Variants in MBD5 observed in about 807,000 individuals in gnomAD.
MBD5 encodes methyl-CpG-binding domain protein 5.
In MBD5, 13 loss-of-function variants were observed where a neutral mutation model predicts 117.3. That is an observed-to-expected ratio of 0.11 (90% CI 0.07 to 0.18). The LOEUF is 0.18. MBD5 is among the 10% of genes least tolerant of loss of function. MBD5 has a pLI of 1.00. For synonymous variants in MBD5, 727 were observed against 766.4 expected (o/e 0.95, Z 0.85); for missense variants, 1,879 against 2,093.8 (o/e 0.90, Z 2.00).
At chr2:148,104,955 G>A (rs1051627609) in intron 1 of MBD5, among the ~76,000 whole-genome samples, 1 of 151,900 alleles carries the variant, frequency 6.6e-6, no homozygotes, top group African/African-American at 2.4e-5. Context: ...AATTATAGAG[G>A]TTAAATAACA....
intron 2 of MBD5, among the ~76,000 whole-genome samples, chr2:148,188,163 T>G (rs1698715436): frequency 6.6e-6 from 1 of 152,186 alleles, no homozygotes; most frequent in Non-Finnish European, 1.5e-5. Flanking sequence ...TCTCAATCTG[T>G]TTAACACAAG....
rs759890387 is a variant in MBD5, at chr2:148,490,477, G to A, written c.4845G>A (p.Thr1615=). The A allele has an allele frequency of 3.1e-6, 5 of 1,614,172 alleles. No homozygotes were observed. Among genetic ancestry groups the A allele is most frequent in the South Asian group, 1.1e-5 (1 of 91,072 alleles). The part of the protein sequence containing the change: ...SNELIHYRPR[T]FNVGDLVWGQ... The stretch of plus-strand genomic sequence containing the variant: ...AATTGATACATTATAGACCAAGGAC[G>A]TTCAATGTTGGCGACTTGGTCTGGG... The change falls in exon 11 of 14, where the codon ACG becomes ACA. Residue 1615 remains threonine (T), a synonymous_variant. Coordinates refer to ENST00000642680, the MANE Select transcript of MBD5 (RefSeq NM_001378120.1).
chr2:148,483,035 G>A, intron 8 of MBD5, 75 bp from the exon 9 acceptor site: 1 of 1,492,666 alleles, frequency 6.7e-7, no homozygotes, highest in Non-Finnish European at 9.1e-7. Flanking sequence ...TTATGTTAAT[G>A]CATTTTTATG....
intron 3 of MBD5, among the ~76,000 whole-genome samples, chr2:148,241,552 A>C (rs1227572733): frequency 6.6e-6 from 1 of 152,112 alleles, no homozygotes; most frequent in East Asian, 1.9e-4. Flanking sequence ...GGTCGGAATC[A>C]ATATACAAAT....
At chr2:148,476,630 TG>T (rs1279526730) in intron 8 of MBD5, among the ~76,000 whole-genome samples, 1 of 152,174 alleles carries the variant, frequency 6.6e-6, no homozygotes, top group East Asian at 1.9e-4. Context: ...ATATACTAGT[TG>T]GGGCATACTA....
At chr2:148,494,894 T>C (rs997773582) in intron 11 of MBD5, among the ~76,000 whole-genome samples, 7 of 151,344 alleles carry the variant, frequency 4.6e-5, no homozygotes, top group South Asian at 2.1e-4. Flanking sequence ...ACCCGGGAGG[T>C]GGAGCTCGCA....
chr2:148,464,580 A>G (rs752589654), intron 7 of MBD5, among the ~76,000 whole-genome samples: 1 of 152,004 alleles, frequency 6.6e-6, no homozygotes, highest in Non-Finnish European at 1.5e-5. Flanking sequence ...AGGAAATTTA[A>G]CACTGACATA....
At chr2:148,374,240 T>TACACAC (rs57110874) in intron 4 of MBD5, among the ~76,000 whole-genome samples, 11,128 of 141,910 alleles carry the variant, frequency 0.078, 544 homozygotes, top group African/African-American at 0.14. Flanking sequence ...TGTTTATGCA[T>TACACAC]ACACACACAC....
chr2:148,383,402 C>A (rs1349205023), intron 4 of MBD5, among the ~76,000 whole-genome samples: 2 of 152,084 alleles, frequency 1.3e-5, no homozygotes, highest in Non-Finnish European at 2.9e-5. Context: ...CAAGACTAAA[C>A]CAGGAAGAAG....
chr2:148,194,589 A>T (rs1312285550), intron 2 of MBD5, among the ~76,000 whole-genome samples: 1 of 102,870 alleles, frequency 9.7e-6, no homozygotes, highest in African/African-American at 3.1e-5. Context: ...GAAGCGGAAT[A>T]TCACACTCTG....
intron 1 of MBD5, among the ~76,000 whole-genome samples, chr2:148,098,819 G>T (rs1360773432): frequency 6.6e-6 from 1 of 152,092 alleles, no homozygotes; most frequent in East Asian, 1.9e-4. Flanking sequence ...GGGAGGTGGA[G>T]ACTGGAGGAT....
intron 1 of MBD5, among the ~76,000 whole-genome samples, chr2:148,143,375 G>C (rs1239070911): frequency 6.6e-6 from 1 of 152,158 alleles, no homozygotes; most frequent in Non-Finnish European, 1.5e-5. Flanking sequence ...AGACAGAGTA[G>C]AGACAAACGT....
chr2:148,160,122 G>A (rs1209741810), intron 1 of MBD5, among the ~76,000 whole-genome samples: 1 of 152,148 alleles, frequency 6.6e-6, no homozygotes, highest in Non-Finnish European at 1.5e-5. Context: ...CACAGAGGCC[G>A]GGTGCGGTGG....
intron 2 of MBD5, among the ~76,000 whole-genome samples, chr2:148,198,081 A>G (rs1699042018): frequency 6.6e-6 from 1 of 152,008 alleles, no homozygotes; most frequent in African/African-American, 2.4e-5. Flanking sequence ...TCCCAAAGTG[A>G]AATTCTTAAT....
intron 1 of MBD5, among the ~76,000 whole-genome samples, chr2:148,116,032 TG>T (rs1212306414): frequency 6.6e-6 from 1 of 151,708 alleles, no homozygotes. Context: ...TTTTTAGAGG[TG>T]GGGTTTTGCC....
intron 2 of MBD5, among the ~76,000 whole-genome samples, chr2:148,232,558 C>T (rs1000168238): frequency 3.3e-5 from 5 of 151,678 alleles, no homozygotes; most frequent in Admixed American, 1.3e-4. Flanking sequence ...ATTGCAGCCT[C>T]GACCACCTGG....
intron 4 of MBD5, among the ~76,000 whole-genome samples, chr2:148,415,666 T>C (rs1358227812): frequency 1.3e-5 from 2 of 152,208 alleles, no homozygotes; most frequent in African/African-American, 4.8e-5. Flanking sequence ...TCATTCTTTT[T>C]TATTATTTTT....
intron 8 of MBD5, 33 bp downstream of exon 8, chr2:148,470,494 T>C: frequency 6.6e-7 from 1 of 1,526,354 alleles, no homozygotes. Context: ...TACCCAAAGG[T>C]ACTAAACTTT....
rs141965837 is a variant in MBD5 at position 148,340,837 on chromosome 2, TACACACACAC to T, written c.-679-1347_-679-1338del. On this transcript the variant is annotated intron_variant, in intron 3 of 13. Coordinates refer to ENST00000642680, the MANE Select transcript of MBD5 (RefSeq NM_001378120.1). The stretch of plus-strand genomic sequence containing the variant: ...TCAGATATTTATTTTAAACCACACA[TACACACACAC>T]ACACACACACACACACACACACACA... Among the ~76,000 whole-genome samples, 57 of 142,560 alleles carry T rather than the reference TACACACACAC, an allele frequency of 4.0e-4. No homozygotes were observed. The South Asian group carries it at 0.011, about 29-fold the overall frequency. The allele number at this position is 142,560 out of a possible 152,430, so 93.5% of individuals were successfully genotyped here.
Sources: gnomAD v4.1 joint callset for allele counts (sites outside exome capture counted in the v4.1 genomes callset) on GRCh38, gnomAD v4.1.1 for gene constraint, MANE v1.5 for transcripts, NCBI Gene and HGNC (gene_info 2026-07-23, HGNC 2026-07-21) for gene names.